BRD4: variants seen among roughly 807,000 people sequenced by gnomAD.
The protein encoded by BRD4 is bromodomain-containing protein 4.
Under a neutral mutation model 142.1 loss-of-function variants are expected in BRD4, and 16 were observed. That is an observed-to-expected ratio of 0.11 (90% CI 0.08 to 0.17). The LOEUF (loss-of-function observed/expected upper bound fraction) is 0.17, where lower values mean the gene tolerates loss of function less well. BRD4 is among the 10% of genes least tolerant of loss of function. The probability of loss-of-function intolerance (pLI) is 1.00; values close to 1 mark genes in which losing one functional copy is unlikely to be tolerated. For synonymous variants in BRD4, 833 were observed against 707.5 expected, an observed-to-expected ratio of 1.18 and a Z score of -2.82; for missense variants, 1,424 against 1,810.9, an observed-to-expected ratio of 0.79 and a Z score of 3.88.
chr19:15,281,711 T>C (rs1350826356), intron 1 of BRD4, among the ~76,000 whole-genome samples: 1 of 152,176 alleles, frequency 6.6e-6, no homozygotes, highest in Admixed American at 6.5e-5. Context: ...AACTTTGACA[T>C]GGACAAGATC....
chr19:15,245,545 T>C (rs568871111), intron 11 of BRD4, among the ~76,000 whole-genome samples: 51 of 152,132 alleles, frequency 3.4e-4, no homozygotes, highest in African/African-American at 1.2e-3. Flanking sequence ...CACAGTAGGG[T>C]GGATGGGTCC....
intron 1 of BRD4, among the ~76,000 whole-genome samples, chr19:15,322,697 CAAAAAAA>C (rs78397797): frequency 8.7e-4 from 80 of 92,266 alleles, no homozygotes; most frequent in African/African-American, 2.5e-3. Context: ...CTAAAAAATA[CAAAAAAA>C]AAAAAAAAAA....
intron 1 of BRD4, among the ~76,000 whole-genome samples, chr19:15,331,476 G>A (rs2048157696): frequency 1.3e-5 from 2 of 152,202 alleles, no homozygotes; most frequent in African/African-American, 4.8e-5. Flanking sequence ...GGCGAGCACG[G>A]ACCGAGCAAA....
chr19:15,254,022 C>G, intron 11 of BRD4, 130 bp downstream of exon 11: 1 of 791,232 alleles, frequency 1.3e-6, no homozygotes, highest in Non-Finnish European at 2.1e-6. Flanking sequence ...AAGAGACAGA[C>G]AGACAGAGGA....
Position 15,264,593 on chromosome 19 carries a change from G to A in BRD4, c.1023C>T (p.His341=). 6.2e-7 allele frequency: 1 copy of A among 1,614,172 alleles called. No individual in the cohort carries two copies. ...CCTTGCTGCTCTTCTCTGGTGCTGG[G>A]TGCTGCTGAGAGTCGGGCACGTCCT... ...PKKDVPDSQQ[H]PAPEKSSKVS... The change falls in exon 6 of 20, where the codon CAC becomes CAT. Residue 341 remains histidine, a synonymous_variant. Coordinates refer to ENST00000679869, the MANE Select transcript of BRD4 (RefSeq NM_001379291.1).
rs1599426950 is a variant in BRD4, at chr19:15,237,702, G to A, written c.*675C>T. On this transcript the variant is annotated 3_prime_UTR_variant, in exon 20 of 20. Coordinates refer to ENST00000679869, the MANE Select transcript of BRD4 (RefSeq NM_001379291.1). ...TGGTTGGTGGCCTCACTCCCCGGCC[G>A]AGGGCTACCCACGCAGGACAGTCGC... 1 of 232,308 alleles carries A rather than the reference G, an allele frequency of 4.3e-6. No individual in the cohort carries two copies. Among genetic ancestry groups the A allele is most frequent in the Non-Finnish European group, 8.5e-6 (1 of 117,708 alleles). 14.4% of individuals were successfully genotyped at this position (232,308 alleles called of 1,614,324 possible).
chr19:15,265,955 G>A (rs573224249), intron 4 of BRD4, among the ~76,000 whole-genome samples: 14 of 152,330 alleles, frequency 9.2e-5, no homozygotes, highest in Middle Eastern at 6.8e-3. Context: ...AGGGGACAGA[G>A]AGCGGGAAAA....
At chr19:15,305,482 A>G (rs1398227771) in intron 1 of BRD4, among the ~76,000 whole-genome samples, 6 of 152,226 alleles carry the variant, frequency 3.9e-5, no homozygotes, top group African/African-American at 9.6e-5. Flanking sequence ...TGCATCACCA[A>G]TGAGTTGTAA....
In BRD4 at chr19:15,236,677, C is replaced by T. The variant is rs922421380; in HGVS notation, c.*1700G>A. 14 of 166,004 alleles carry T rather than the reference C, an allele frequency of 8.4e-5. No individual in the cohort carries two copies. Among genetic ancestry groups the T allele is most frequent in the Admixed American group, 2.6e-4 (4 of 15,512 alleles). The allele number at this position is 166,004 out of a possible 1,614,324, so 10.3% of individuals were successfully genotyped here. On this transcript the variant is annotated 3_prime_UTR_variant, in exon 20 of 20. Coordinates refer to ENST00000679869, the MANE Select transcript of BRD4 (RefSeq NM_001379291.1). ...GCTTGGGGTGGTTGCTATGAGTCTG[C>T]GTGGCTCCCGCCCAGGGCAGACAGG...
chr19:15,239,052 C>A lies in BRD4; in HGVS notation c.3782+7G>T, dbSNP rs772582937. The A allele has an allele frequency of 6.3e-7, 1 of 1,585,386 alleles. No homozygotes were observed. Among genetic ancestry groups the A allele is most frequent in the South Asian group, 1.1e-5 (1 of 88,658 alleles). ...AGTCCCCATGCCCCACCCAGACACC[C>A]GCCCACCTCATGCGCTCCTGCCGCA... On this transcript the variant is annotated splice_region_variant and intron_variant, in intron 18 of 19. Transcript: ENST00000679869. This position sits in a 1 kb window ranked among gnomAD's most constrained non-coding sequence, Gnocchi z 7.4.
intron 1 of BRD4, among the ~76,000 whole-genome samples, chr19:15,298,107 G>C (rs2047838627): frequency 6.6e-6 from 1 of 152,330 alleles, no homozygotes; most frequent in East Asian, 1.9e-4. Context: ...TGCCTCTGCA[G>C]GCCCAATGAC....
chr19:15,243,126 C>A lies in BRD4; in HGVS notation c.2943G>T (p.Gln981His). The change falls in exon 14 of 20, where the codon CAG becomes CAT. Residue 981 changes from glutamine (Q) to histidine (H), a missense_variant. Physicochemically the swap from Gln to His is conservative, Grantham distance 24. This residue lies in a region of BRD4 where 598 missense variants were observed against 647.8 expected (regional missense o/e 0.92). Transcript: ENST00000679869. ...GCTGCTGCTGGGGTGGAGGCTGGGG[C>A]TGGGGTGGTGGGGGTGGTGGCGGCT... Reference protein sequence around the residue: ...QQQPPPPPPPQPQPPPQQQHQ... With the variant: ...QQQPPPPPPPHPQPPPQQQHQ... 5.8e-6 allele frequency: 2 copies of A among 347,316 alleles called. No individual in the cohort carries two copies. Among genetic ancestry groups the A allele is most frequent in the Non-Finnish European group, 9.0e-6 (2 of 222,700 alleles). 21.5% of individuals were successfully genotyped at this position (347,316 alleles called of 1,614,324 possible).
chr19:15,299,383 C>T (rs1299261887), intron 1 of BRD4, among the ~76,000 whole-genome samples: 1 of 152,172 alleles, frequency 6.6e-6, no homozygotes, highest in African/African-American at 2.4e-5. Flanking sequence ...GTCTTTTACC[C>T]ATCAAAGCCT....
chr19:15,270,736 G>A (rs2047578223), intron 2 of BRD4, among the ~76,000 whole-genome samples: 1 of 152,092 alleles, frequency 6.6e-6, no homozygotes, highest in Non-Finnish European at 1.5e-5. Context: ...TTTTTAGGGT[G>A]GCCTTATTAA....
At chr19:15,281,783 C>T (rs1361887802) in intron 1 of BRD4, among the ~76,000 whole-genome samples, 4 of 152,076 alleles carry the variant, frequency 2.6e-5, no homozygotes, top group African/African-American at 7.2e-5. Flanking sequence ...TTTGGGAGGC[C>T]GAGGCGGGTG....
chr19:15,254,145 A>C lies in BRD4; in HGVS notation c.2158+7T>G. On this transcript the variant is annotated splice_region_variant and intron_variant, in intron 11 of 19. Transcript: ENST00000679869. Reference sequence around the variant, plus strand: ...TGGTAAGACACGTAGAACACAAGTCACCTAACCTGTTTCGGAGTCTTCGCT... The same window carrying C: ...TGGTAAGACACGTAGAACACAAGTCCCCTAACCTGTTTCGGAGTCTTCGCT... 1.2e-6 allele frequency: 2 copies of C among 1,612,446 alleles called. No individual in the cohort carries two copies. The highest frequency in any genetic ancestry group is 1.7e-6 in the Non-Finnish European group (2 of 1,178,480).
chr19:15,255,289 A>C lies in BRD4; in HGVS notation c.2047+8T>G. On this transcript the variant is annotated splice_region_variant and intron_variant, in intron 10 of 19. Coordinates refer to ENST00000679869, the MANE Select transcript of BRD4 (RefSeq NM_001379291.1). ...AAGGAACCCCATGCCCAGGGGGCCC[A>C]AGCACACCTTGAGGTTTCCTTTTCT... 1.2e-6 allele frequency: 2 copies of C among 1,606,946 alleles called. No individual in the cohort carries two copies. Among genetic ancestry groups the C allele is most frequent in the Non-Finnish European group, 1.7e-6 (2 of 1,174,470 alleles).
chr19:15,307,878 G>A (rs1300652820), intron 1 of BRD4, among the ~76,000 whole-genome samples: 1 of 152,064 alleles, frequency 6.6e-6, no homozygotes, highest in Non-Finnish European at 1.5e-5. Flanking sequence ...ATTTTGGGAG[G>A]CCCTGGCGGG....
intron 1 of BRD4, among the ~76,000 whole-genome samples, chr19:15,306,275 C>T (rs2047912935): frequency 2.0e-5 from 3 of 152,134 alleles, no homozygotes; most frequent in Non-Finnish European, 2.9e-5. Context: ...ATGTTATTGG[C>T]CTTTTAGCGT....
Sources: gnomAD v4.1 joint callset for allele counts (sites outside exome capture counted in the v4.1 genomes callset) on GRCh38, gnomAD v4.1.1 for gene constraint, gnomAD v4.1.1 regional missense constraint, Gnocchi (gnomAD v3.1) non-coding constraint, MANE v1.5 for transcripts, NCBI Gene and HGNC (gene_info 2026-07-23, HGNC 2026-07-21) for gene names.